Variants in RGS6 observed in about 807,000 individuals in gnomAD.
The protein encoded by RGS6 is regulator of G protein signaling 6, also known as regulator of G-protein signaling 6.
RGS6 carries 30 observed loss-of-function variants against 78.5 expected under a neutral mutation model. The ratio of observed to expected loss-of-function variants is 0.38; its 90% CI spans 0.29 to 0.52. RGS6 has a LOEUF of 0.52. Ranked by LOEUF, RGS6 falls within the 20% of genes least tolerant of loss-of-function variation. RGS6 has a pLI of 0.85. For synonymous variants in RGS6, 206 were observed against 206.0 expected, an observed-to-expected ratio of 1.00 and a Z score of 0.00; for missense variants, 495 against 609.7, an observed-to-expected ratio of 0.81 and a Z score of 1.98.
intron 15 of RGS6, among the ~76,000 whole-genome samples, chr14:72,519,573 C>T (rs187613175): frequency 3.3e-5 from 5 of 152,296 alleles, no homozygotes; most frequent in Non-Finnish European, 5.9e-5. Flanking sequence ...GATGGAAACA[C>T]CTACCAACCT....
the RGS6 span, among the ~76,000 whole-genome samples, chr14:71,918,001 G>A: frequency 2.0e-5 from 3 of 151,708 alleles, no homozygotes; most frequent in African/African-American, 7.3e-5. Flanking sequence ...GCGAAACCCC[G>A]TCTCTACTGA....
the RGS6 span, among the ~76,000 whole-genome samples, chr14:72,629,336 T>C: frequency 5.3e-5 from 8 of 152,338 alleles, no homozygotes; most frequent in African/African-American, 1.9e-4. Flanking sequence ...AAATTGCCCA[T>C]AATAAAAAAT....
chr14:72,458,387 C>G lies in RGS6; in HGVS notation c.342+10C>G. On this transcript the variant is annotated intron_variant, in intron 5 of 17. Transcript: ENST00000553525. Reference sequence around the variant, plus strand: ...CTTTTATCGTTTCCAGGTAAGCCTGCTGGCTCCTCCTCCTGAAGAACCTTT... The same window carrying G: ...CTTTTATCGTTTCCAGGTAAGCCTGGTGGCTCCTCCTCCTGAAGAACCTTT... 1 of 1,590,910 alleles carries G rather than the reference C, an allele frequency of 6.3e-7. No homozygotes were observed. The highest frequency in any genetic ancestry group is 8.6e-7 in the Non-Finnish European group (1 of 1,159,174).
At chr14:72,095,869 G>C (rs1040948601) in intron 2 of RGS6, among the ~76,000 whole-genome samples, 1 of 152,198 alleles carries the variant, frequency 6.6e-6, no homozygotes, top group East Asian at 1.9e-4. Flanking sequence ...TAATGTATTT[G>C]GTTGTTGACT....
In RGS6 at chr14:72,039,813, AT is replaced by A. The variant is rs3053082; in HGVS notation, c.84+74957del. On this transcript the variant is annotated intron_variant, in intron 2 of 17. Transcript: ENST00000553525. The stretch of plus-strand genomic sequence containing the variant: ...TGCTGCCTTCTTTTGTGTTTCATTG[AT>A]TTTTTTTTTTTTTTTTTTGGTGACA... Among the ~76,000 whole-genome samples the A allele has an allele frequency of 7.4e-3, 509 of 68,868 alleles. 2 individuals are homozygous for A. The highest frequency in any genetic ancestry group is 0.023 in the African/African-American group (405 of 17,350). The allele number at this position is 68,868 out of a possible 152,430, so 45.2% of individuals were successfully genotyped here.
chr14:72,446,139 T>C (rs367994725), intron 3 of RGS6, among the ~76,000 whole-genome samples: 4,778 of 152,204 alleles, frequency 0.031, 95 homozygotes, highest in Middle Eastern at 0.044. Context: ...ATGCCTGTGG[T>C]CCCAGCCACT....
intron 2 of RGS6, among the ~76,000 whole-genome samples, chr14:72,179,317 G>T (rs1419356179): frequency 6.6e-6 from 1 of 152,196 alleles, no homozygotes; most frequent in Non-Finnish European, 1.5e-5. Context: ...CAGCTGGCTT[G>T]CTTGAAGAGG....
chr14:72,141,831 C>T (rs553286037), intron 2 of RGS6, among the ~76,000 whole-genome samples: 2 of 151,984 alleles, frequency 1.3e-5, no homozygotes, highest in East Asian at 1.9e-4. Context: ...CAGAAATAAC[C>T]TTGGGTAGCC....
At chr14:72,080,081 T>C (rs1426818142) in intron 2 of RGS6, among the ~76,000 whole-genome samples, 1 of 152,178 alleles carries the variant, frequency 6.6e-6, no homozygotes, top group Non-Finnish European at 1.5e-5. Context: ...CATATGGTGG[T>C]TCTGTTTCTC....
intron 2 of RGS6, among the ~76,000 whole-genome samples, chr14:72,312,126 C>T (rs75277744): frequency 0.049 from 7,454 of 152,038 alleles, 543 homozygotes; most frequent in African/African-American, 0.17. Context: ...GCGCAAGGAT[C>T]GCTCCCCTCA....
intron 2 of RGS6, among the ~76,000 whole-genome samples, chr14:71,987,729 C>A (rs76923257): frequency 6.6e-6 from 1 of 152,062 alleles, no homozygotes; most frequent in Non-Finnish European, 1.5e-5. Context: ...CTGTGCTGCC[C>A]AGGCTGGGCT....
At chr14:72,446,870 T>C (rs2095377903) in intron 3 of RGS6, among the ~76,000 whole-genome samples, 1 of 152,106 alleles carries the variant, frequency 6.6e-6, no homozygotes, top group African/African-American at 2.4e-5. Context: ...CCACTGCTGA[T>C]CTGACAGGAG....
intron 2 of RGS6, among the ~76,000 whole-genome samples, chr14:72,029,763 A>G (rs1270688858): frequency 2.6e-5 from 4 of 152,340 alleles, no homozygotes; most frequent in East Asian, 1.9e-4. Context: ...TAAGGAAAAA[A>G]AATAAAGAAG....
Position 72,562,841 on chromosome 14 carries a change from G to A in RGS6, c.*374G>A. 7.8e-7 allele frequency: 1 copy of A among 1,283,944 alleles called. No homozygotes were observed. Among genetic ancestry groups the A allele is most frequent in the South Asian group, 1.3e-5 (1 of 78,808 alleles). 79.5% of individuals were successfully genotyped at this position (1,283,944 alleles called of 1,614,324 possible). On this transcript the variant is annotated 3_prime_UTR_variant, in exon 18 of 18. Coordinates refer to ENST00000553525, the MANE Select transcript of RGS6 (RefSeq NM_001204424.2). ...TATTATCCTCACTCCCTCGCTGTCT[G>A]GAGACGGTCACACCTTCTGGCAAAT...
chr14:72,140,005 G>T (rs987792890), intron 2 of RGS6, among the ~76,000 whole-genome samples: 14 of 151,590 alleles, frequency 9.2e-5, no homozygotes, highest in Non-Finnish European at 1.9e-4. Context: ...ATGCCACCAA[G>T]TCTCTACCTA....
intron 2 of RGS6, among the ~76,000 whole-genome samples, chr14:72,168,727 G>A (rs149667): frequency 0.18 from 27,978 of 152,002 alleles, 2,768 homozygotes; most frequent in East Asian, 0.33. Flanking sequence ...GTGGAACAGC[G>A]CTGCTCTAGA....
At chr14:72,359,322 G>A (rs2081014436) in intron 3 of RGS6, among the ~76,000 whole-genome samples, 1 of 152,088 alleles carries the variant, frequency 6.6e-6, no homozygotes, top group Non-Finnish European at 1.5e-5. Context: ...TTCAGCAACT[G>A]GAAAAATGGA....
At chr14:72,158,030 C>A (rs2096797514) in intron 2 of RGS6, among the ~76,000 whole-genome samples, 1 of 152,104 alleles carries the variant, frequency 6.6e-6, no homozygotes, top group Non-Finnish European at 1.5e-5. Flanking sequence ...TTCTCTGAGA[C>A]CTGGTGCCCC....
the RGS6 span, among the ~76,000 whole-genome samples, chr14:71,924,269 T>C: frequency 6.6e-6 from 1 of 152,222 alleles, no homozygotes; most frequent in African/African-American, 2.4e-5. Context: ...GGTATTTTTG[T>C]AATTAATTTT....
Sources: allele counts gnomAD v4.1 joint callset (sites outside exome capture counted in the v4.1 genomes callset), GRCh38; gene constraint gnomAD v4.1.1; transcripts MANE v1.5; gene names NCBI Gene and HGNC (gene_info 2026-07-23, HGNC 2026-07-21).